EPHA7: variants seen among roughly 807,000 people sequenced by gnomAD.
EPHA7 encodes EPH receptor A7.
Under a neutral mutation model 112.6 loss-of-function variants are expected in EPHA7, and 25 were observed. The ratio of observed to expected loss-of-function variants is 0.22; its 90% CI spans 0.16 to 0.31. EPHA7 has a LOEUF of 0.31. Among genes scored for constraint, EPHA7 ranks in the 10% least tolerant of loss-of-function variants. The pLI is 1.00. For missense variants in EPHA7, 962 were observed against 1,212.6 expected, an observed-to-expected ratio of 0.79 and a Z score of 3.07; for synonymous variants, 437 against 406.5, an observed-to-expected ratio of 1.07 and a Z score of -0.90.
At chr6:93,358,234 T>A in intron 4 of EPHA7, 22 bp downstream of exon 4, 1 of 1,575,168 alleles carries the variant, frequency 6.3e-7, no homozygotes, top group Non-Finnish European at 8.6e-7. Context: ...GGAAAGTCCT[T>A]TACTTTCATA....
chr6:93,358,461 T>G, intron 3 of EPHA7, 50 bp from the exon 4 acceptor site: 2 of 1,478,974 alleles, frequency 1.4e-6, no homozygotes, highest in Non-Finnish European at 1.8e-6. Context: ...CAAATCGATC[T>G]TTAAAAAAAA....
intron 7 of EPHA7, 118 bp downstream of exon 7, chr6:93,269,359 A>T (rs1207346306): frequency 2.8e-6 from 2 of 727,112 alleles, no homozygotes; most frequent in African/African-American, 1.9e-5. Context: ...ATGTACATAT[A>T]TATTTATTTG....
At chr6:93,411,659 A>G (rs962226847) in intron 2 of EPHA7, among the ~76,000 whole-genome samples, 2 of 152,188 alleles carry the variant, frequency 1.3e-5, no homozygotes, top group Non-Finnish European at 2.9e-5. Flanking sequence ...ACCATTCAAC[A>G]ACCTGTTGAT....
chr6:93,369,556 G>A (rs1231515450), intron 3 of EPHA7, among the ~76,000 whole-genome samples: 2 of 152,058 alleles, frequency 1.3e-5, no homozygotes, highest in Non-Finnish European at 2.9e-5. Context: ...TCAGTTAAAC[G>A]CTTTGCCTCC....
At chr6:93,263,729 T>A (rs1770796540) in intron 9 of EPHA7, 131 bp downstream of exon 9, 2 of 570,266 alleles carry the variant, frequency 3.5e-6, no homozygotes, top group Non-Finnish European at 6.0e-6. Context: ...TTCAAATGCT[T>A]TAAAGCAACA....
intron 5 of EPHA7, among the ~76,000 whole-genome samples, chr6:93,336,090 T>G (rs1774853887): frequency 6.6e-6 from 1 of 152,166 alleles, no homozygotes; most frequent in Admixed American, 6.6e-5. Context: ...AAATAGTTCA[T>G]GTAGTACATT....
chr6:93,247,037 TA>T, intron 14 of EPHA7, 52 bp from the exon 15 acceptor site: 1 of 1,454,388 alleles, frequency 6.9e-7, no homozygotes, highest in South Asian at 1.4e-5. Flanking sequence ...TCAATTATAA[TA>T]AACCAAATTT....
intron 3 of EPHA7, among the ~76,000 whole-genome samples, chr6:93,382,400 G>A (rs1470011353): frequency 2.0e-5 from 3 of 152,140 alleles, no homozygotes; most frequent in Admixed American, 2.0e-4. Flanking sequence ...TGATCTGACA[G>A]GAAAAGGAGC....
intron 14 of EPHA7, among the ~76,000 whole-genome samples, chr6:93,252,501 T>C (rs770382269): frequency 2.0e-5 from 3 of 151,930 alleles, no homozygotes; most frequent in Admixed American, 2.0e-4. Context: ...CAGGGGTTCA[T>C]AGATCTAAGT....
At position 93,245,381 on chromosome 6, in the gene EPHA7, T is replaced by C; in HGVS notation, c.2799A>G (p.Gln933=). 9 of 1,613,818 alleles carry C rather than the reference T, an allele frequency of 5.6e-6. No individual in the cohort carries two copies. Among genetic ancestry groups the C allele is most frequent in the Non-Finnish European group, 7.6e-6 (9 of 1,179,892 alleles). The change falls in exon 16 of 17, where the codon CAA becomes CAG. Residue 933 remains glutamine (Q), a synonymous_variant. Coordinates refer to ENST00000369303, the MANE Select transcript of EPHA7 (RefSeq NM_004440.4). ...CTTTATATCTTTCCATCTTAATAGC[T>C]TGTAGCCATTCTCCAACTGAACAAA... The part of the protein sequence containing the change: ...TTFCSVGEWL[Q]AIKMERYKDN...
chr6:93,310,686 A>C (rs1773488256), intron 5 of EPHA7, among the ~76,000 whole-genome samples: 1 of 152,114 alleles, frequency 6.6e-6, no homozygotes, highest in African/African-American at 2.4e-5. Context: ...AGTTACGTTT[A>C]CATTAACATT....
intron 5 of EPHA7, among the ~76,000 whole-genome samples, chr6:93,314,677 A>G (rs527621905): frequency 7.4e-4 from 112 of 152,270 alleles, no homozygotes; most frequent in African/African-American, 2.5e-3. Flanking sequence ...ATGTTTACTC[A>G]AGAAAACTGA....
chr6:93,368,508 A>C lies in EPHA7; in HGVS notation c.833-10097T>G, dbSNP rs1469884178. Among the ~76,000 whole-genome samples the C allele has an allele frequency of 2.6e-5, 4 of 152,276 alleles. No homozygotes were observed. The East Asian group carries it at 7.7e-4, about 29-fold the overall frequency. On this transcript the variant is annotated intron_variant, in intron 3 of 16. Coordinates refer to ENST00000369303, the MANE Select transcript of EPHA7 (RefSeq NM_004440.4). Reference sequence around the variant, plus strand: ...TAAGAATATTCTATAAGGTCAGGTTACTTCAAGTTAATAAAAATTGCAACT... The same window carrying C: ...TAAGAATATTCTATAAGGTCAGGTTCCTTCAAGTTAATAAAAATTGCAACT...
intron 14 of EPHA7, among the ~76,000 whole-genome samples, chr6:93,252,461 A>C (rs1297843593): frequency 6.6e-6 from 1 of 151,886 alleles, no homozygotes. Flanking sequence ...TCACACATAC[A>C]CAGCAGTTTC....
At chr6:93,306,876 G>A (rs922134334) in intron 5 of EPHA7, among the ~76,000 whole-genome samples, 9 of 151,700 alleles carry the variant, frequency 5.9e-5, no homozygotes, top group African/African-American at 2.2e-4. Context: ...ATTCCCTCTA[G>A]AAGGAGAAAA....
chr6:93,303,453 C>A (rs1773095854), intron 5 of EPHA7, among the ~76,000 whole-genome samples: 1 of 151,932 alleles, frequency 6.6e-6, no homozygotes, highest in South Asian at 2.1e-4. Context: ...AAAATATATG[C>A]TCTGTTAATA....
At chr6:93,324,684 C>A (rs1257506525) in intron 5 of EPHA7, among the ~76,000 whole-genome samples, 1 of 151,368 alleles carries the variant, frequency 6.6e-6, no homozygotes, top group Non-Finnish European at 1.5e-5. Flanking sequence ...TTTGAGACTG[C>A]AGAAACATGA....
chr6:93,256,573 A>T (rs1770448579), intron 12 of EPHA7, among the ~76,000 whole-genome samples: 1 of 152,132 alleles, frequency 6.6e-6, no homozygotes, highest in Non-Finnish European at 1.5e-5. Context: ...TGCTACTGAT[A>T]GGAGCATTAC....
intron 3 of EPHA7, among the ~76,000 whole-genome samples, chr6:93,400,673 G>A (rs1398036307): frequency 1.3e-5 from 2 of 151,920 alleles, no homozygotes; most frequent in Admixed American, 1.3e-4. Flanking sequence ...GAGTAGCTAA[G>A]ACTACAGACA....
Sources: gnomAD v4.1 joint callset for allele counts (sites outside exome capture counted in the v4.1 genomes callset) on GRCh38, gnomAD v4.1.1 for gene constraint, MANE v1.5 for transcripts, NCBI Gene and HGNC (gene_info 2026-07-23, HGNC 2026-07-21) for gene names.